The following ULK4 variants were observed in gnomAD, a reference collection of about 807,000 sequenced individuals.
ULK4 encodes the protein inactive serine/threonine-protein kinase ULK4.
Under a neutral mutation model 160.6 loss-of-function variants are expected in ULK4, and 133 were observed. The observed-to-expected ratio is 0.83, with a 90% confidence interval of 0.72 to 0.96. The LOEUF is 0.96. Among genes scored for constraint, ULK4 ranks in the 40% least tolerant of loss-of-function variants. The probability of loss-of-function intolerance (pLI) is 0.00; values close to 1 mark genes in which losing one functional copy is unlikely to be tolerated. For synonymous variants in ULK4, 534 were observed against 539.8 expected, an observed-to-expected ratio of 0.99 and a Z score of 0.15; for missense variants, 1,580 against 1,499.5, an observed-to-expected ratio of 1.05 and a Z score of -0.89.
intron 27 of ULK4, among the ~76,000 whole-genome samples, chr3:41,699,982 T>C (rs982730478): frequency 2.0e-5 from 3 of 152,148 alleles, no homozygotes; most frequent in Non-Finnish European, 4.4e-5. Flanking sequence ...AAATTAACCA[T>C]AGGTTATTGC....
intron 16 of ULK4, among the ~76,000 whole-genome samples, chr3:41,886,140 G>A (rs950989407): frequency 6.6e-6 from 1 of 152,162 alleles, no homozygotes; most frequent in Non-Finnish European, 1.5e-5. Flanking sequence ...GATAATCCAT[G>A]TGCAGAAAGT....
intron 35 of ULK4, among the ~76,000 whole-genome samples, chr3:41,285,749 C>T (rs1038997889): frequency 6.6e-6 from 1 of 152,096 alleles, no homozygotes; most frequent in African/African-American, 2.4e-5. Context: ...AAATTAAAAA[C>T]AAAATAAAAC....
chr3:41,356,429 T>C lies in ULK4; in HGVS notation c.3678+41650A>G, dbSNP rs573570091. Among the ~76,000 whole-genome samples the C allele has an allele frequency of 8.7e-4, 132 of 152,272 alleles. 1 individual carries two copies. The highest frequency in any genetic ancestry group is 3.1e-3 in the African/African-American group (129 of 41,562). On this transcript the variant is annotated intron_variant, in intron 35 of 36. Transcript: ENST00000301831. ...GACTGTTCTTCTCTAATACAATCAC[T>C]CACAGAGGTCTGAGGATATGGTGGC...
At chr3:41,284,843 C>T (rs1176005928) in intron 35 of ULK4, among the ~76,000 whole-genome samples, 2 of 152,076 alleles carry the variant, frequency 1.3e-5, no homozygotes, top group East Asian at 1.9e-4. Context: ...AAAATCTATA[C>T]ATCTGACAAA....
chr3:41,898,955 G>A (rs1490575504), intron 13 of ULK4, among the ~76,000 whole-genome samples: 1 of 152,204 alleles, frequency 6.6e-6, no homozygotes, highest in Non-Finnish European at 1.5e-5. Flanking sequence ...TTCAAAACAT[G>A]CAGGACATAA....
intron 35 of ULK4, among the ~76,000 whole-genome samples, chr3:41,323,967 C>A (rs1311113734): frequency 2.6e-5 from 4 of 152,188 alleles, no homozygotes; most frequent in African/African-American, 9.7e-5. Context: ...TTATCTTCAG[C>A]TTTTTCATGA....
chr3:41,576,851 G>C, intron 31 of ULK4, among the ~76,000 whole-genome samples: 1 of 152,102 alleles, frequency 6.6e-6, no homozygotes, highest in East Asian at 1.9e-4. Context: ...CTAAAATTCT[G>C]AAACAAATTT....
chr3:41,428,736 G>T (rs921513130), intron 34 of ULK4, among the ~76,000 whole-genome samples: 1 of 152,082 alleles, frequency 6.6e-6, no homozygotes, highest in African/African-American at 2.4e-5. Context: ...AATTGAAACT[G>T]GACCCCTTCC....
intron 17 of ULK4, among the ~76,000 whole-genome samples, chr3:41,878,137 C>A (rs1485994640): frequency 6.9e-6 from 1 of 145,922 alleles, no homozygotes; most frequent in Non-Finnish European, 1.5e-5. Context: ...CTAACTACAT[C>A]TTCTAACAAA....
intron 7 of ULK4, among the ~76,000 whole-genome samples, chr3:41,917,917 G>A (rs1458684362): frequency 6.6e-6 from 1 of 152,080 alleles, no homozygotes; most frequent in Non-Finnish European, 1.5e-5. Flanking sequence ...AACCCGGGAG[G>A]CGGAGGTTGC....
At chr3:41,567,786 T>G (rs573829807) in intron 31 of ULK4, among the ~76,000 whole-genome samples, 1 of 152,238 alleles carries the variant, frequency 6.6e-6, no homozygotes, top group South Asian at 2.1e-4. Flanking sequence ...TTATTTTACT[T>G]TTTAAATGCT....
chr3:41,308,323 C>A (rs151256415), intron 35 of ULK4, among the ~76,000 whole-genome samples: 1 of 152,128 alleles, frequency 6.6e-6, no homozygotes, highest in African/African-American at 2.4e-5. Flanking sequence ...CTCAACACAG[C>A]CTGTGCAGCA....
chr3:41,328,476 A>G (rs889482777), intron 35 of ULK4, among the ~76,000 whole-genome samples: 1 of 152,186 alleles, frequency 6.6e-6, no homozygotes, highest in Non-Finnish European at 1.5e-5. Context: ...GAAGCAGTTC[A>G]GAGGAGAAAT....
intron 29 of ULK4, among the ~76,000 whole-genome samples, chr3:41,679,136 T>A (rs1484389080): frequency 6.6e-6 from 1 of 152,184 alleles, no homozygotes; most frequent in African/African-American, 2.4e-5. Context: ...GCCAATTCAT[T>A]TCCATGAAGT....
chr3:41,589,567 T>C (rs1171513220), intron 31 of ULK4, among the ~76,000 whole-genome samples: 1 of 151,932 alleles, frequency 6.6e-6, no homozygotes, highest in Non-Finnish European at 1.5e-5. Context: ...GTTGAATATA[T>C]AGTGCCTTTT....
rs558704993 is a variant in ULK4 at position 41,798,779 on chromosome 3, C to G, written c.2010+1353G>C. ...GGGGCAGGGGTGGTAAATTAAACAC[C>G]TAAATGCTGACTAGCAGGATCTAGT... On this transcript the variant is annotated intron_variant, in intron 20 of 36. Transcript: ENST00000301831. Among the ~76,000 whole-genome samples the G allele has an allele frequency of 3.9e-5, 6 of 152,008 alleles. No individual in the cohort carries two copies. In the East Asian group the frequency reaches 1.2e-3, roughly 29 times the overall value.
chr3:41,701,008 G>GA (rs1471933825), intron 27 of ULK4, among the ~76,000 whole-genome samples: 3 of 150,454 alleles, frequency 2.0e-5, no homozygotes, highest in Non-Finnish European at 3.0e-5. Context: ...GAAGACAGGG[G>GA]AAAAAAAAGA....
At chr3:41,827,728 G>C (rs2041413215) in intron 18 of ULK4, among the ~76,000 whole-genome samples, 1 of 152,108 alleles carries the variant, frequency 6.6e-6, no homozygotes, top group Non-Finnish European at 1.5e-5. Flanking sequence ...GTACAAGGAG[G>C]AGCTGGTACC....
chr3:41,441,596 G>T (rs2083170944), intron 34 of ULK4, among the ~76,000 whole-genome samples: 1 of 151,810 alleles, frequency 6.6e-6, no homozygotes, highest in Non-Finnish European at 1.5e-5. Context: ...TAAGTTTGAG[G>T]CTTGTTTTAT....
Sources: gnomAD v4.1 joint callset for allele counts (sites outside exome capture counted in the v4.1 genomes callset) on GRCh38, gnomAD v4.1.1 for gene constraint, MANE v1.5 for transcripts, NCBI Gene and HGNC (gene_info 2026-07-23, HGNC 2026-07-21) for gene names.